CACNB3: variants seen among roughly 807,000 people sequenced by gnomAD.
CACNB3 encodes the protein calcium voltage-gated channel auxiliary subunit beta 3.
Under a neutral mutation model 63.7 loss-of-function variants are expected in CACNB3, and 36 were observed. The observed-to-expected ratio is 0.57, with a 90% CI of 0.43 to 0.75. CACNB3 has a LOEUF of 0.75. Among genes scored for constraint, CACNB3 ranks in the 30% least tolerant of loss-of-function variants. The pLI is 0.00. For synonymous variants in CACNB3, 241 were observed against 250.6 expected, an observed-to-expected ratio of 0.96 and a Z score of 0.36; for missense variants, 493 against 648.6, an observed-to-expected ratio of 0.76 and a Z score of 2.61.
At chr12:48,827,545 G>A (rs142474395) in intron 12 of CACNB3, 40 bp from the exon 13 acceptor site, 18,643 of 1,581,238 alleles carry the variant, frequency 0.012, 176 homozygotes, top group Middle Eastern at 0.037. Context: ...ACAAGGTGAG[G>A]TCTGTACTGC....
At position 48,826,322 on chromosome 12, in the gene CACNB3, G is replaced by T; in HGVS notation, c.743-45G>T. The stretch of plus-strand genomic sequence containing the variant: ...CCCTCAAAGCCTGCTGGAGTGAGCA[G>T]TGGGCAGAGCTCCTGGTGAGCACTG... On this transcript the variant is annotated intron_variant, in intron 9 of 12. Transcript: ENST00000301050. This position sits in a 1 kb window ranked among gnomAD's most constrained non-coding sequence, Gnocchi z 4.8. The T allele has an allele frequency of 6.2e-7, 1 of 1,607,880 alleles. No homozygotes were observed. The highest frequency in any genetic ancestry group is 8.5e-7 in the Non-Finnish European group (1 of 1,174,760).
rs760429287 is a variant in CACNB3 at position 48,824,387 on chromosome 12, C to T, written c.407+14C>T. On this transcript the variant is annotated intron_variant, in intron 4 of 12. Coordinates refer to ENST00000301050, the MANE Select transcript of CACNB3 (RefSeq NM_000725.4). Reference sequence around the variant, plus strand: ...GCAGAAGGCCAGGTGAGAGTTGGGCCATGAGTCAGTAAACACACCCCAAAC... The same window carrying T: ...GCAGAAGGCCAGGTGAGAGTTGGGCTATGAGTCAGTAAACACACCCCAAAC... 2.5e-6 allele frequency: 4 copies of T among 1,589,208 alleles called. No individual in the cohort carries two copies. In the African/African-American group the frequency reaches 4.0e-5, roughly 16 times the overall value.
chr12:48,815,538 G>T (rs926275443), upstream of CACNB3: 9 of 1,491,088 alleles, frequency 6.0e-6, no homozygotes, highest in East Asian at 5.0e-5. Flanking sequence ...GGAACCAGGG[G>T]AGAGGGAAGG....
upstream of CACNB3, chr12:48,815,288 A>C (rs917574046): frequency 3.7e-6 from 1 of 270,606 alleles, no homozygotes; most frequent in Non-Finnish European, 7.3e-6. Context: ...CAGAGTCCCT[A>C]CTCTTTCTCG....
chr12:48,815,357 T>G (rs2137430292), upstream of CACNB3: 28 of 341,690 alleles, frequency 8.2e-5, no homozygotes, highest in Non-Finnish European at 9.9e-5. Flanking sequence ...GGGTGCGACG[T>G]GGGGATGGAA....
intron 1 of CACNB3, chr12:48,819,772 A>G: frequency 2.4e-6 from 1 of 419,140 alleles, no homozygotes; most frequent in South Asian, 1.7e-5. Context: ...GCAACCGATA[A>G]ATATTTAATT....
upstream of CACNB3, among the ~76,000 whole-genome samples, chr12:48,818,235 C>T (rs1942336151): frequency 6.6e-6 from 1 of 152,132 alleles, no homozygotes; most frequent in Non-Finnish European, 1.5e-5. This position sits in a 1 kb window ranked among gnomAD's most constrained non-coding sequence, Gnocchi z 4.3. Context: ...CGCGCCTCTT[C>T]TGTCTCCCAC....
At position 48,823,585 on chromosome 12, in the gene CACNB3, A is replaced by T; in HGVS notation, c.169-96A>T. On this transcript the variant is annotated intron_variant, in intron 2 of 12. Coordinates refer to ENST00000301050, the MANE Select transcript of CACNB3 (RefSeq NM_000725.4). This position sits in a 1 kb window ranked among gnomAD's most constrained non-coding sequence, Gnocchi z 4.2. The stretch of plus-strand genomic sequence containing the variant: ...CCTTGAGTGTGAGAGGGTGTGTGTG[A>T]TGGGCAGAGGCCACGGCCTTCTGCT... The T allele has an allele frequency of 4.4e-6, 7 of 1,602,812 alleles. No homozygotes were observed. The highest frequency in any genetic ancestry group is 3.4e-6 in the Non-Finnish European group (4 of 1,173,722).
chr12:48,826,819 A>G lies in CACNB3; in HGVS notation c.955A>G (p.Met319Val). ...ACAGATGAAGCACCTGACCGTACAG[A>G]TGATGGCATATGATAAGCTGGTTCA... ...KSQMKHLTVQ[M>V]MAYDKLVQCP... The change falls in exon 11 of 13, where the codon ATG becomes GTG. Residue 319 changes from methionine to valine, a missense_variant. Coordinates refer to ENST00000301050, the MANE Select transcript of CACNB3 (RefSeq NM_000725.4). This position sits in a 1 kb window ranked among gnomAD's most constrained non-coding sequence, Gnocchi z 4.8. The G allele has an allele frequency of 1.2e-6, 2 of 1,614,150 alleles. No homozygotes were observed. The highest frequency in any genetic ancestry group is 1.7e-6 in the Non-Finnish European group (2 of 1,179,998).
At chr12:48,819,587 C>T (rs1436347088) in intron 1 of CACNB3, 1 of 405,620 alleles carries the variant, frequency 2.5e-6, no homozygotes, top group Non-Finnish European at 4.9e-6. Context: ...GAAACCTGGG[C>T]GCCCAGCACA....
upstream of CACNB3, chr12:48,815,144 G>C (rs1044967699): frequency 6.3e-6 from 1 of 158,110 alleles, no homozygotes; most frequent in African/African-American, 2.4e-5. Flanking sequence ...GGTCGGGGTC[G>C]CAGCCGCCGC....
At chr12:48,816,962 A>G, upstream of CACNB3, 1 of 985,536 alleles carries the variant, frequency 1.0e-6, no homozygotes. Flanking sequence ...AGAAAGGATG[A>G]AAGAGGGGGA....
At chr12:48,817,630 C>T (rs1942316707), upstream of CACNB3, among the ~76,000 whole-genome samples, 1 of 152,172 alleles carries the variant, frequency 6.6e-6, no homozygotes, top group Non-Finnish European at 1.5e-5. Flanking sequence ...GGCTCTCTTA[C>T]CCCAAATCTC....
chr12:48,819,730 A>T (rs1221804503), intron 1 of CACNB3: 1 of 447,138 alleles, frequency 2.2e-6, no homozygotes, highest in Non-Finnish European at 4.5e-6. Context: ...GGGCCTGGGG[A>T]TGGAGAGGAA....
chr12:48,824,700 A>G lies in CACNB3; in HGVS notation c.439A>G (p.Ile147Val). Reference sequence around the variant, plus strand: ...TGGGAACCCTTCCAGCCTGAGTGACATTGGCAACCGACGCTCCCCTCCGCC... The same window carrying G: ...TGGGAACCCTTCCAGCCTGAGTGACGTTGGCAACCGACGCTCCCCTCCGCC... ...RSGNPSSLSD[I>V]GNRRSPPPSL... The change falls in exon 5 of 13, where the codon ATT (isoleucine) becomes GTT (valine). Residue 147 changes from isoleucine to valine, a missense_variant. Transcript: ENST00000301050. 2 of 1,613,124 alleles carry G rather than the reference A, an allele frequency of 1.2e-6. No individual in the cohort carries two copies. The highest frequency in any genetic ancestry group is 8.5e-7 in the Non-Finnish European group (1 of 1,179,546).
chr12:48,824,908 C>T, intron 5 of CACNB3, 41 bp from the exon 6 acceptor site: 1 of 1,612,940 alleles, frequency 6.2e-7, no homozygotes, highest in Non-Finnish European at 8.5e-7. Flanking sequence ...GGACCTTTCC[C>T]CCTTCACCAA....
intron 12 of CACNB3, 127 bp downstream of exon 12, chr12:48,827,250 T>C: frequency 8.5e-7 from 1 of 1,172,464 alleles, no homozygotes; most frequent in Non-Finnish European, 1.2e-6. Context: ...TCAGCTCTGC[T>C]GTACAGAGCT....
chr12:48,824,083 T>G, intron 3 of CACNB3, 175 bp from the exon 4 acceptor site: 1 of 683,876 alleles, frequency 1.5e-6, no homozygotes, highest in Non-Finnish European at 2.5e-6. Flanking sequence ...CACTCAGAAA[T>G]CCTGGGTGGC....
At position 48,818,829 on chromosome 12, in the gene CACNB3, G is replaced by T. The variant is rs968621472; in HGVS notation, c.-101G>T. ...CCCTGCCGCCGCCCGCAGGGCTGCG[G>T]GGCTCGGTGGCATCTCCCGGGCGCG... On this transcript the variant is annotated 5_prime_UTR_variant, in exon 1 of 13. Transcript: ENST00000301050. The surrounding 1 kb of genome is among the most constrained non-coding windows in gnomAD (Gnocchi z 4.3). The T allele has an allele frequency of 7.1e-7, 1 of 1,401,718 alleles. No individual in the cohort carries two copies. The allele number at this position is 1,401,718 out of a possible 1,614,324, so 86.8% of individuals were successfully genotyped here.
Sources: allele counts gnomAD v4.1 joint callset (sites outside exome capture counted in the v4.1 genomes callset), GRCh38; gene constraint gnomAD v4.1.1; non-coding constraint Gnocchi (gnomAD v3.1); transcripts MANE v1.5; gene names NCBI Gene and HGNC (gene_info 2026-07-23, HGNC 2026-07-21).